The following ASTN2 variants were observed in gnomAD, a reference collection of about 807,000 sequenced individuals.
ASTN2 encodes astrotactin 2, also known as astrotactin-2.
ASTN2 carries 54 observed loss-of-function variants against 139.8 expected under a neutral mutation model. The observed-to-expected ratio is 0.39, with a 90% confidence interval of 0.31 to 0.48. The LOEUF is 0.48. Among genes scored for constraint, ASTN2 ranks in the 20% least tolerant of loss-of-function variants. The pLI is 0.95. For synonymous variants in ASTN2, 756 were observed against 719.5 expected, an observed-to-expected ratio of 1.05 and a Z score of -0.81; for missense variants, 1,565 against 1,725.1, an observed-to-expected ratio of 0.91 and a Z score of 1.64.
At chr9:117,244,609 A>AGGGGG (rs1833319891) in intron 2 of ASTN2, among the ~76,000 whole-genome samples, 1 of 88,972 alleles carries the variant, frequency 1.1e-5, no homozygotes, top group African/African-American at 5.8e-5. Context: ...GAGGGAGGAG[A>AGGGGG]GGGAGGGAGG....
At chr9:117,066,905 A>G (rs1827966459) in intron 5 of ASTN2, among the ~76,000 whole-genome samples, 1 of 123,330 alleles carries the variant, frequency 8.1e-6, no homozygotes, top group African/African-American at 3.1e-5. Flanking sequence ...TCTGGATATT[A>G]GCCCTTTGTC....
Position 117,003,952 on chromosome 9 carries a change from G to A in ASTN2, c.1591+4140C>T, listed in dbSNP as rs867318014. On this transcript the variant is annotated intron_variant, in intron 7 of 22. Transcript: ENST00000313400. Reference sequence around the variant, plus strand: ...TTGTGTTTCTTTCACGCGCGCGCGCGCGTGTGTGTGTGTGTGTGTGTGTGT... The same window carrying A: ...TTGTGTTTCTTTCACGCGCGCGCGCACGTGTGTGTGTGTGTGTGTGTGTGT... 8.0e-4 allele frequency among the ~76,000 whole-genome samples: 112 copies of A among 140,662 alleles called. 1 individual carries two copies. The highest frequency in any genetic ancestry group is 3.7e-3 in the Middle Eastern group (1 of 272). The allele number at this position is 140,662 out of a possible 152,430, so 92.3% of individuals were successfully genotyped here.
At chr9:116,511,734 G>T (rs1055328089) in intron 19 of ASTN2, among the ~76,000 whole-genome samples, 3 of 152,102 alleles carry the variant, frequency 2.0e-5, no homozygotes, top group Admixed American at 6.5e-5. Context: ...AGTCTTGGGA[G>T]GGTGGATGTG....
intron 1 of ASTN2, among the ~76,000 whole-genome samples, chr9:117,393,303 G>A (rs1051976760): frequency 7.9e-5 from 12 of 152,200 alleles, no homozygotes; most frequent in African/African-American, 2.2e-4. Context: ...AGATTCTAAA[G>A]AGAACTTGAG....
chr9:116,599,760 A>T (rs1284561411), intron 19 of ASTN2, among the ~76,000 whole-genome samples: 1 of 152,190 alleles, frequency 6.6e-6, no homozygotes, highest in Non-Finnish European at 1.5e-5. Context: ...TATTTTTCAA[A>T]GTTCATCAAT....
intron 16 of ASTN2, among the ~76,000 whole-genome samples, chr9:116,661,069 C>T (rs1858529321): frequency 6.6e-6 from 1 of 152,152 alleles, no homozygotes; most frequent in African/African-American, 2.4e-5. Flanking sequence ...GCAGGTCATA[C>T]TCTCTGTGGG....
At chr9:116,939,614 AT>A (rs906324539) in intron 10 of ASTN2, among the ~76,000 whole-genome samples, 12 of 151,254 alleles carry the variant, frequency 7.9e-5, no homozygotes, top group South Asian at 6.3e-4. Flanking sequence ...ATTCTTTTGT[AT>A]TTTTTTTTCC....
At chr9:116,583,990 C>G (rs185437671) in intron 19 of ASTN2, 5 of 152,308 alleles carry the variant, frequency 3.3e-5, no homozygotes, top group African/African-American at 1.2e-4. Context: ...CCTATTATGT[C>G]TCCATAACCA....
At chr9:116,626,154 G>GGTTTTTTTTTTTT (rs1856444762) in intron 17 of ASTN2, among the ~76,000 whole-genome samples, 1 of 34,414 alleles carries the variant, frequency 2.9e-5, no homozygotes, top group Non-Finnish European at 5.6e-5. Context: ...TAGTTTTTGT[G>GGTTTTTTTTTTTT]TTTTTTTTTT....
At chr9:117,083,757 A>G (rs1433911590) in intron 5 of ASTN2, among the ~76,000 whole-genome samples, 1 of 152,130 alleles carries the variant, frequency 6.6e-6, no homozygotes, top group South Asian at 2.1e-4. Context: ...AGCAACTAAA[A>G]TGACATGTTT....
intron 10 of ASTN2, among the ~76,000 whole-genome samples, chr9:116,961,257 A>G (rs1249767022): frequency 6.7e-6 from 1 of 150,356 alleles, no homozygotes; most frequent in Non-Finnish European, 1.5e-5. Context: ...TTTTAAGAGT[A>G]TAATTTAGTG....
At chr9:117,117,228 T>C (rs1169237902) in intron 4 of ASTN2, among the ~76,000 whole-genome samples, 1 of 152,116 alleles carries the variant, frequency 6.6e-6, no homozygotes, top group Non-Finnish European at 1.5e-5. Flanking sequence ...TGAAAGTTTC[T>C]ACACAAACAC....
chr9:117,253,540 C>T (rs763905943), intron 2 of ASTN2, among the ~76,000 whole-genome samples: 10 of 152,112 alleles, frequency 6.6e-5, no homozygotes, highest in Non-Finnish European at 1.5e-4. Context: ...AAGGGAGGGA[C>T]ATCCATTTAG....
chr9:116,442,560 C>G lies in ASTN2; in HGVS notation c.3498-7G>C. 2 of 1,613,594 alleles carry G rather than the reference C, an allele frequency of 1.2e-6. No individual in the cohort carries two copies. Among genetic ancestry groups the G allele is most frequent in the African/African-American group, 2.7e-5 (2 of 74,974 alleles). Reference sequence around the variant, plus strand: ...CACAGCATACAGAGTGAACCTGCAGCACAGCAAGAAAACAGAGCACCAGGC... The same window carrying G: ...CACAGCATACAGAGTGAACCTGCAGGACAGCAAGAAAACAGAGCACCAGGC... On this transcript the variant is annotated splice_region_variant and splice_polypyrimidine_tract_variant and intron_variant, in intron 20 of 22. Coordinates refer to ENST00000313400, the MANE Select transcript of ASTN2 (RefSeq NM_001365068.1).
At chr9:116,658,032 A>G (rs1858326945) in intron 16 of ASTN2, among the ~76,000 whole-genome samples, 1 of 152,022 alleles carries the variant, frequency 6.6e-6, no homozygotes, top group Non-Finnish European at 1.5e-5. Flanking sequence ...CTACAGGTAC[A>G]TGCCACCATG....
At chr9:116,664,425 A>T (rs1237924544) in intron 16 of ASTN2, among the ~76,000 whole-genome samples, 2 of 147,480 alleles carry the variant, frequency 1.4e-5, no homozygotes, top group African/African-American at 2.5e-5. Context: ...AATATATATA[A>T]TATATATATA....
intron 3 of ASTN2, among the ~76,000 whole-genome samples, chr9:117,144,650 G>T: frequency 7.2e-6 from 1 of 137,954 alleles, no homozygotes; most frequent in African/African-American, 2.9e-5. Flanking sequence ...TTTGAGAGGA[G>T]TGAACACTAG....
intron 7 of ASTN2, among the ~76,000 whole-genome samples, chr9:116,999,548 C>CCTTTT (rs1837128594): frequency 1.1e-5 from 1 of 94,920 alleles, no homozygotes; most frequent in African/African-American, 4.9e-5. Flanking sequence ...TTCTCTCTTT[C>CCTTTT]TTTTTTTTTT....
intron 1 of ASTN2, among the ~76,000 whole-genome samples, chr9:117,395,793 A>G (rs1199382535): frequency 6.6e-6 from 1 of 152,212 alleles, no homozygotes; most frequent in African/African-American, 2.4e-5. Flanking sequence ...TGAGGGCAAA[A>G]AGGACTTGAA....
Sources: allele counts gnomAD v4.1 joint callset (sites outside exome capture counted in the v4.1 genomes callset), GRCh38; gene constraint gnomAD v4.1.1; transcripts MANE v1.5; gene names NCBI Gene and HGNC (gene_info 2026-07-23, HGNC 2026-07-21).